FCHSD1: variants seen among roughly 807,000 people sequenced by gnomAD.
FCHSD1 encodes the protein FCH and double SH3 domains 1.
In FCHSD1, 109 loss-of-function variants were observed where a neutral mutation model predicts 101.3. The observed-to-expected ratio is 1.08, with a 90% CI of 0.92 to 1.26. The LOEUF (loss-of-function observed/expected upper bound fraction) is 1.26. FCHSD1 is among the 50% of genes most tolerant of loss of function. The pLI, the probability that FCHSD1 is intolerant of heterozygous loss-of-function variation, is 0.00. For missense variants in FCHSD1, 820 were observed against 895.8 expected (o/e 0.92, Z 1.08); for synonymous variants, 291 against 356.8 (o/e 0.82, Z 2.08).
Position 141,649,641 on chromosome 5 carries a change from C to T in FCHSD1, c.234-105G>A, listed in dbSNP as rs996163970. 7.0e-7 allele frequency: 1 copy of T among 1,426,044 alleles called. No homozygotes were observed. The highest frequency in any genetic ancestry group is 9.3e-7 in the Non-Finnish European group (1 of 1,070,880). The allele number at this position is 1,426,044 out of a possible 1,614,324, so 88.3% of individuals were successfully genotyped here. A position where few individuals can be genotyped will look rare whatever the true frequency, so the allele number is the denominator to read the frequency against. The stretch of plus-strand genomic sequence containing the variant: ...AACACCATGGGAGACAGAGTGCTTT[C>T]CCATCCTCCCTTGTCTGGGAGCCCA... On this transcript the variant is annotated intron_variant, in intron 4 of 19. Transcript: ENST00000435817. The surrounding 1 kb of genome is among the most constrained non-coding windows in gnomAD (Gnocchi z 4.1).
chr5:141,649,772 T>C lies in FCHSD1; in HGVS notation c.233+115A>G. 7.7e-7 allele frequency: 1 copy of C among 1,299,476 alleles called. No homozygotes were observed. The highest frequency in any genetic ancestry group is 1.4e-5 in the South Asian group (1 of 73,500). 80.5% of individuals were successfully genotyped at this position (1,299,476 alleles called of 1,614,324 possible). On this transcript the variant is annotated intron_variant, in intron 4 of 19. Coordinates refer to ENST00000435817, the MANE Select transcript of FCHSD1 (RefSeq NM_033449.3). The surrounding 1 kb of genome is among the most constrained non-coding windows in gnomAD (Gnocchi z 4.1). ...TCCTCTGCTGCTGCTGTGTCAGCTC[T>C]ACCTACAGCTCACGTGCCTTCCCCA...
At position 141,640,336 on chromosome 5, in the gene FCHSD1, A is replaced by T. The variant is rs1159600702; in HGVS notation, c.*1162T>A. 6.2e-7 allele frequency: 1 copy of T among 1,613,922 alleles called. No homozygotes were observed. Among genetic ancestry groups the T allele is most frequent in the Non-Finnish European group, 8.5e-7 (1 of 1,179,904 alleles). ...CGGGACTGCACTGGGCTGGGCTCTT[A>T]TTGCTCTCTACTCTGGGGGGCACTG... On this transcript the variant is annotated 3_prime_UTR_variant, in exon 20 of 20. Coordinates refer to ENST00000435817, the MANE Select transcript of FCHSD1 (RefSeq NM_033449.3).
Position 141,645,038 on chromosome 5 carries a change from G to T in FCHSD1, c.1422C>A (p.His474Gln). 1.9e-6 allele frequency: 3 copies of T among 1,609,304 alleles called. No individual in the cohort carries two copies. The South Asian group carries it at 3.3e-5, about 18-fold the overall frequency. The change falls in exon 14 of 20, where the codon CAC becomes CAA. Residue 474 changes from histidine to glutamine, a missense_variant. Transcript: ENST00000435817. ...TTCATACCTGATAGCGAAATACCACGTGTGCAGGGCAGGGGAGGGCCCTCG... is the reference window on the plus strand; with the variant it reads ...TTCATACCTGATAGCGAAATACCACTTGTGCAGGGCAGGGGAGGGCCCTCG... ...LATRALPCPA[H>Q]VVFRYQAGRE...
chr5:141,641,832 G>A (rs1411738476), intron 18 of FCHSD1, 75 bp from the exon 19 acceptor site: 15 of 1,428,406 alleles, frequency 1.1e-5, no homozygotes, highest in Non-Finnish European at 9.8e-6. Context: ...TTAGGACAGT[G>A]GCATTCTATA....
At position 141,649,268 on chromosome 5, in the gene FCHSD1, T is replaced by A; in HGVS notation, c.416A>T (p.Gln139Leu). The A allele has an allele frequency of 6.2e-7, 1 of 1,614,014 alleles. No homozygotes were observed. The highest frequency in any genetic ancestry group is 1.3e-5 in the African/African-American group (1 of 75,044). Reference protein sequence around the residue: ...NLQRAQAEVLQSVRELSRSRK... With the variant: ...NLQRAQAEVLLSVRELSRSRK... The stretch of plus-strand genomic sequence containing the variant: ...ACTTCGGCTCAGCTCCCGGACAGAC[T>A]GCAGCACCTCAGCCTGCGCCCTCTG... Residue 139 changes from glutamine (Q) to leucine (L), a missense_variant, in exon 6 of 20, where the codon CAG becomes CTG. Physicochemically the swap from Gln to Leu is moderately radical, Grantham distance 113. Coordinates refer to ENST00000435817, the MANE Select transcript of FCHSD1 (RefSeq NM_033449.3). This position sits in a 1 kb window ranked among gnomAD's most constrained non-coding sequence, Gnocchi z 4.1.
chr5:141,641,569 G>A lies in FCHSD1; in HGVS notation c.2008-6C>T. Reference sequence around the variant, plus strand: ...GGGGGAGGTGGTGGACGCATCTGTAGGGAACACACAGTTAGTGCTCCAGAG... The same window carrying A: ...GGGGGAGGTGGTGGACGCATCTGTAAGGAACACACAGTTAGTGCTCCAGAG... On this transcript the variant is annotated splice_polypyrimidine_tract_variant and splice_region_variant and intron_variant, in intron 19 of 19. Transcript: ENST00000435817. The A allele has an allele frequency of 1.9e-6, 3 of 1,567,464 alleles. No homozygotes were observed. Among genetic ancestry groups the A allele is most frequent in the Non-Finnish European group, 2.6e-6 (3 of 1,154,556 alleles).
Position 141,639,391 on chromosome 5 carries a change from G to C in FCHSD1, c.*2107C>G. 7.5e-7 allele frequency: 1 copy of C among 1,336,124 alleles called. No individual in the cohort carries two copies. The highest frequency in any genetic ancestry group is 1.4e-5 in the South Asian group (1 of 71,476). The allele number at this position is 1,336,124 out of a possible 1,614,324, so 82.8% of individuals were successfully genotyped here. On this transcript the variant is annotated 3_prime_UTR_variant, in exon 20 of 20. Transcript: ENST00000435817. The surrounding 1 kb of genome is among the most constrained non-coding windows in gnomAD (Gnocchi z 4.4). ...CTTCTGGGGTTTTAAGGAGCATGCT[G>C]AAAGAACGTAAGAAACAAAACATGA... is the stretch of plus-strand genomic sequence containing the variant.
chr5:141,649,206 A>C lies in FCHSD1; in HGVS notation c.478T>G (p.Leu160Val). ...LYGQRERVWA[L>V]AQEKAADVQA... ...ACATCAGCCGCCTTCTCCTGTGCCA[A>C]GGCCCACACACGTTCCCGCTGCCCA... Residue 160 changes from leucine to valine, a missense_variant, in exon 6 of 20, where the codon TTG (leucine) becomes GTG (valine). Transcript: ENST00000435817. This position sits in a 1 kb window ranked among gnomAD's most constrained non-coding sequence, Gnocchi z 4.1. The C allele has an allele frequency of 6.2e-7, 1 of 1,613,966 alleles. No homozygotes were observed. Among genetic ancestry groups the C allele is most frequent in the South Asian group, 1.1e-5 (1 of 91,082 alleles).
At position 141,649,104 on chromosome 5, in the gene FCHSD1, C is replaced by T; in HGVS notation, c.512+68G>A. The T allele has an allele frequency of 6.2e-7, 1 of 1,613,766 alleles. No individual in the cohort carries two copies. The highest frequency in any genetic ancestry group is 1.1e-5 in the South Asian group (1 of 91,068). ...GTCAGGCCCAGCTTTGGTGACTTGG[C>T]TCCACCCCTAGACAGCCCCACCTCC... On this transcript the variant is annotated intron_variant, in intron 6 of 19. Coordinates refer to ENST00000435817, the MANE Select transcript of FCHSD1 (RefSeq NM_033449.3). This position sits in a 1 kb window ranked among gnomAD's most constrained non-coding sequence, Gnocchi z 4.1.
Position 141,640,477 on chromosome 5 carries a change from C to G in FCHSD1, c.*1021G>C. ...CTGCCTGAGCCCTAAATGAGGTAAT[C>G]TCATCTTCCCATCACCTACTTAAAC... On this transcript the variant is annotated 3_prime_UTR_variant, in exon 20 of 20. Transcript: ENST00000435817. The G allele has an allele frequency of 6.2e-7, 1 of 1,613,994 alleles. No individual in the cohort carries two copies. Among genetic ancestry groups the G allele is most frequent in the Non-Finnish European group, 8.5e-7 (1 of 1,179,888 alleles).
intron 8 of FCHSD1, 21 bp from the exon 9 acceptor site, chr5:141,647,541 CT>C: frequency 6.2e-7 from 1 of 1,610,508 alleles, no homozygotes; most frequent in Non-Finnish European, 8.5e-7. Context: ...CCCCAAGATA[CT>C]GACACCACCC....
At position 141,646,081 on chromosome 5, in the gene FCHSD1, C is replaced by G; in HGVS notation, c.1149+6G>C. 1 of 1,606,094 alleles carries G rather than the reference C, an allele frequency of 6.2e-7. No individual in the cohort carries two copies. The highest frequency in any genetic ancestry group is 8.5e-7 in the Non-Finnish European group (1 of 1,176,430). On this transcript the variant is annotated splice_donor_region_variant and intron_variant, in intron 12 of 19. Coordinates refer to ENST00000435817, the MANE Select transcript of FCHSD1 (RefSeq NM_033449.3). The stretch of plus-strand genomic sequence containing the variant: ...TGGGATCTCTAACCTCAGGGGTGTG[C>G]CTCACCTGTGCCCGGCGGATGCTCT...
At chr5:141,645,654 G>A in intron 13 of FCHSD1, 117 bp downstream of exon 13, 1 of 1,230,768 alleles carries the variant, frequency 8.1e-7, no homozygotes, top group Non-Finnish European at 1.1e-6. Context: ...TTTCACTTAA[G>A]CCTCGTAATA....
Position 141,651,410 on chromosome 5 carries a change from G to A in FCHSD1, c.-42C>T. On this transcript the variant is annotated 5_prime_UTR_variant, in exon 1 of 20. Transcript: ENST00000435817. ...CGGTCAGCCACTGGACTCCGGAACT[G>A]GAGGAAGCCCCGCCCACTATGGAGC... The A allele has an allele frequency of 6.5e-7, 1 of 1,550,290 alleles. No individual in the cohort carries two copies. The highest frequency in any genetic ancestry group is 2.4e-5 in the East Asian group (1 of 40,918).
At chr5:141,648,498 T>A (rs899608176) in intron 7 of FCHSD1, among the ~76,000 whole-genome samples, 4 of 152,240 alleles carry the variant, frequency 2.6e-5, no homozygotes, top group Non-Finnish European at 4.4e-5. Context: ...TTCCCCTAGA[T>A]CTTTGCAAGG....
chr5:141,650,178 A>G (rs2099908192), intron 3 of FCHSD1, among the ~76,000 whole-genome samples, 181 bp downstream of exon 3: 5 of 152,242 alleles, frequency 3.3e-5, no homozygotes, highest in Admixed American at 3.3e-4. Context: ...ACTGAGGTCA[A>G]GAAAGGTTAA....
intron 1 of FCHSD1, 75 bp from the exon 2 acceptor site, chr5:141,651,192 G>T: frequency 8.7e-6 from 13 of 1,499,342 alleles, no homozygotes; most frequent in Non-Finnish European, 1.1e-5. Context: ...GCGGTGAGGG[G>T]GCGGGGCCGG....
rs1404062523 is a variant in FCHSD1, at chr5:141,640,900, C to T, written c.*598G>A. 1.2e-5 allele frequency: 7 copies of T among 580,694 alleles called. No homozygotes were observed. The highest frequency in any genetic ancestry group is 1.1e-4 in the South Asian group (5 of 44,738). The allele number at this position is 580,694 out of a possible 1,614,324, so 36.0% of individuals were successfully genotyped here. On this transcript the variant is annotated 3_prime_UTR_variant, in exon 20 of 20. Transcript: ENST00000435817. ...GCCTGCCCCGCCTTCCCCAACACCT[C>T]GCTCCATATGATAGAGCGTGGCAGC...
chr5:141,650,876 G>A, intron 2 of FCHSD1, 144 bp downstream of exon 2: 2 of 731,732 alleles, frequency 2.7e-6, no homozygotes, highest in Admixed American at 2.2e-5. Context: ...AGTATCTGGA[G>A]AGGCCAGGCC....
Sources: gnomAD v4.1 joint callset for allele counts (sites outside exome capture counted in the v4.1 genomes callset) on GRCh38, gnomAD v4.1.1 for gene constraint, Gnocchi (gnomAD v3.1) non-coding constraint, MANE v1.5 for transcripts, NCBI Gene and HGNC (gene_info 2026-07-23, HGNC 2026-07-21) for gene names.